The following UNC13C variants were observed in gnomAD, a reference collection of about 807,000 sequenced individuals.
UNC13C encodes protein unc-13 homolog C.
A neutral mutation model predicts 245.4 loss-of-function variants in UNC13C; 174 were observed. That is an observed-to-expected ratio of 0.71 (90% CI 0.63 to 0.80). The LOEUF is 0.80. Ranked by LOEUF, UNC13C falls within the 30% of genes least tolerant of loss-of-function variation. UNC13C has a pLI of 0.00. For synonymous variants in UNC13C, 992 were observed against 895.1 expected (o/e 1.11, Z -1.93); for missense variants, 2,829 against 2,602.9 (o/e 1.09, Z -1.89).
chr15:54,406,371 T>G (rs552520711), intron 18 of UNC13C, among the ~76,000 whole-genome samples: 6 of 152,310 alleles, frequency 3.9e-5, no homozygotes, highest in African/African-American at 1.4e-4. Context: ...TCTTATTTCC[T>G]GCTTCAGAGA....
At chr15:54,124,618 C>T (rs1349916937) in intron 2 of UNC13C, among the ~76,000 whole-genome samples, 1 of 150,126 alleles carries the variant, frequency 6.7e-6, no homozygotes, top group African/African-American at 2.5e-5. Flanking sequence ...TTTCTAAGAA[C>T]AATTTTTTAA....
intron 2 of UNC13C, among the ~76,000 whole-genome samples, chr15:54,054,346 G>A (rs1486584593): frequency 6.6e-6 from 1 of 152,138 alleles, no homozygotes; most frequent in East Asian, 1.9e-4. Context: ...TAGACTGTAA[G>A]CTCATTGGAG....
intron 2 of UNC13C, among the ~76,000 whole-genome samples, chr15:54,042,085 G>T (rs1166204755): frequency 2.6e-5 from 4 of 152,078 alleles, no homozygotes; most frequent in Admixed American, 6.5e-5. Flanking sequence ...TAAATTTGGG[G>T]TGCTTAACTG....
At chr15:54,083,342 AC>A (rs1351724170) in intron 2 of UNC13C, among the ~76,000 whole-genome samples, 1 of 152,166 alleles carries the variant, frequency 6.6e-6, no homozygotes. Flanking sequence ...GACTCAGGGC[AC>A]AGCCTCTTCC....
chr15:54,511,728 A>G (rs1596495253), intron 23 of UNC13C, 25 bp from the exon 24 acceptor site: 1 of 1,514,696 alleles, frequency 6.6e-7, no homozygotes, highest in Non-Finnish European at 9.0e-7. Flanking sequence ...ATTGCTCATA[A>G]TAGTCTTTTT....
At chr15:54,066,379 G>A (rs1898076563) in intron 2 of UNC13C, among the ~76,000 whole-genome samples, 1 of 152,178 alleles carries the variant, frequency 6.6e-6, no homozygotes, top group African/African-American at 2.4e-5. Context: ...CCCTTGTTAG[G>A]AAGTTGAAGC....
intron 19 of UNC13C, among the ~76,000 whole-genome samples, chr15:54,444,626 T>C (rs1890706269): frequency 6.6e-6 from 1 of 151,722 alleles, no homozygotes; most frequent in Non-Finnish European, 1.5e-5. Flanking sequence ...CTCCTATTAT[T>C]TATTATTGTG....
intron 2 of UNC13C, among the ~76,000 whole-genome samples, chr15:54,108,241 C>T (rs1236590537): frequency 6.6e-6 from 1 of 151,986 alleles, no homozygotes; most frequent in East Asian, 1.9e-4. Flanking sequence ...GGCTGGAGTG[C>T]AGTGGCGCGA....
chr15:54,440,645 A>G (rs942841254), intron 19 of UNC13C, among the ~76,000 whole-genome samples: 1 of 152,024 alleles, frequency 6.6e-6, no homozygotes, highest in Non-Finnish European at 1.5e-5. Flanking sequence ...TTTGATGTAG[A>G]TAATTTCCTT....
chr15:53,851,735 T>C, the UNC13C span, among the ~76,000 whole-genome samples: 1 of 152,122 alleles, frequency 6.6e-6, no homozygotes, highest in Non-Finnish European at 1.5e-5. Flanking sequence ...TCCAATCGCA[T>C]TGTGACGTGG....
At chr15:54,153,349 T>C (rs1047254124) in intron 4 of UNC13C, among the ~76,000 whole-genome samples, 34 of 152,112 alleles carry the variant, frequency 2.2e-4, no homozygotes, top group African/African-American at 7.7e-4. Context: ...TTTTGAAATA[T>C]TGTAATATAA....
At chr15:53,926,119 T>A in the UNC13C span, among the ~76,000 whole-genome samples, 2 of 150,592 alleles carry the variant, frequency 1.3e-5, no homozygotes, top group African/African-American at 2.4e-5. Flanking sequence ...TTTTAGTTTT[T>A]GTTTTTTTTT....
intron 2 of UNC13C, among the ~76,000 whole-genome samples, chr15:54,142,358 G>A (rs2032062667): frequency 6.6e-6 from 1 of 152,154 alleles, no homozygotes; most frequent in Non-Finnish European, 1.5e-5. Context: ...CCAGATGGGA[G>A]ATCAGGAGCC....
At chr15:54,326,993 A>G (rs2038314743) in intron 14 of UNC13C, among the ~76,000 whole-genome samples, 1 of 152,060 alleles carries the variant, frequency 6.6e-6, no homozygotes, top group Non-Finnish European at 1.5e-5. Flanking sequence ...TTACCAGCGC[A>G]TCACTGAGTA....
chr15:53,872,952 GGTTGCTGTA>G, the UNC13C span, among the ~76,000 whole-genome samples: 1 of 152,028 alleles, frequency 6.6e-6, no homozygotes, highest in Non-Finnish European at 1.5e-5. Context: ...TCAGATTTTT[GGTTGCTGTA>G]GTTCTCAGAG....
In UNC13C at chr15:54,015,355, A is replaced by G. The variant is rs561069154; in HGVS notation, c.2452A>G (p.Ser818Gly). 3.2e-5 allele frequency: 51 copies of G among 1,613,874 alleles called. No homozygotes were observed. The African/African-American group carries it at 5.9e-4, about 19-fold the overall frequency. Residue 818 changes from serine (S) to glycine (G), a missense_variant, in exon 2 of 33, where the codon AGT becomes GGT. Transcript: ENST00000260323. Reference protein sequence around the residue: ...LEVVWNKSTQSLSGYEDSGSS... With the variant: ...LEVVWNKSTQGLSGYEDSGSS... Reference sequence around the variant, plus strand: ...AGTAGTATGGAACAAAAGCACACAGAGTCTGAGTGGGTATGAGGACAGTGG... The same window carrying G: ...AGTAGTATGGAACAAAAGCACACAGGGTCTGAGTGGGTATGAGGACAGTGG...
intron 7 of UNC13C, among the ~76,000 whole-genome samples, chr15:54,245,724 A>G (rs1240128797): frequency 5.3e-5 from 8 of 152,194 alleles, no homozygotes; most frequent in Admixed American, 3.9e-4. Flanking sequence ...AAAAAATAAC[A>G]CTTATACTTC....
chr15:53,864,696 A>G, the UNC13C span, among the ~76,000 whole-genome samples: 1 of 152,310 alleles, frequency 6.6e-6, no homozygotes, highest in South Asian at 2.1e-4. Context: ...AGAATCGTAG[A>G]TACAGATGTC....
At chr15:54,494,326 T>C (rs1259890156) in intron 19 of UNC13C, among the ~76,000 whole-genome samples, 1 of 152,162 alleles carries the variant, frequency 6.6e-6, no homozygotes, top group African/African-American at 2.4e-5. Context: ...AATTTTAGTA[T>C]GTTATTACTC....
Sources: gnomAD v4.1 joint callset for allele counts (sites outside exome capture counted in the v4.1 genomes callset) on GRCh38, gnomAD v4.1.1 for gene constraint, MANE v1.5 for transcripts, NCBI Gene and HGNC (gene_info 2026-07-23, HGNC 2026-07-21) for gene names.